Variants in MVB12B observed in about 807,000 individuals in gnomAD.
MVB12B encodes the protein multivesicular body subunit 12B, also known as ESCRT-I complex subunit MVB12B.
In MVB12B, 16 loss-of-function variants were observed where a neutral mutation model predicts 41.6. The ratio of observed to expected loss-of-function variants is 0.38; its 90% confidence interval spans 0.26 to 0.58. MVB12B has a LOEUF of 0.58. Among genes scored for constraint, MVB12B ranks in the 20% least tolerant of loss-of-function variants. The pLI is 0.62. For missense variants in MVB12B, 274 were observed against 380.2 expected (o/e 0.72, Z 2.32); for synonymous variants, 133 against 139.7 (o/e 0.95, Z 0.34).
intron 9 of MVB12B, among the ~76,000 whole-genome samples, chr9:126,493,359 G>C (rs913127614): frequency 6.6e-6 from 1 of 152,124 alleles, no homozygotes; most frequent in Admixed American, 6.5e-5. Flanking sequence ...TATGTAAGTG[G>C]ATCAGTGGAT....
At chr9:126,469,182 A>G (rs1220892248) in intron 7 of MVB12B, among the ~76,000 whole-genome samples, 1 of 152,206 alleles carries the variant, frequency 6.6e-6, no homozygotes, top group Non-Finnish European at 1.5e-5. Context: ...TGTCTAAAAA[A>G]TAAAAAAATA....
intron 7 of MVB12B, among the ~76,000 whole-genome samples, chr9:126,449,156 T>G (rs1211829279): frequency 2.0e-5 from 3 of 152,232 alleles, no homozygotes; most frequent in Non-Finnish European, 2.9e-5. Context: ...AACTCCCATG[T>G]GCCCAGCCCT....
intron 1 of MVB12B, among the ~76,000 whole-genome samples, chr9:126,327,662 C>T (rs1458303528): frequency 1.3e-5 from 2 of 152,120 alleles, no homozygotes; most frequent in South Asian, 4.1e-4. Context: ...CACCAGGGGA[C>T]ATCACATCCT....
In MVB12B at chr9:126,427,956, CTT is replaced by C. The variant is rs11357346; in HGVS notation, c.757+6020_757+6021del. ...CACTCCTCTGCCTTCAGCTTTTTTT[CTT>C]TTTTTTTTTTTGCTTTTCTTTTTGA... is the stretch of plus-strand genomic sequence containing the variant. On this transcript the variant is annotated intron_variant, in intron 7 of 9. Transcript: ENST00000361171. 7.9e-3 allele frequency among the ~76,000 whole-genome samples: 1,115 copies of C among 141,882 alleles called. 3 individuals carry two copies. Among genetic ancestry groups the C allele is most frequent in the Non-Finnish European group, 0.011 (683 of 64,098 alleles). The allele number at this position is 141,882 out of a possible 152,430, so 93.1% of individuals were successfully genotyped here.
chr9:126,375,030 AT>A (rs534528654), intron 2 of MVB12B, among the ~76,000 whole-genome samples: 1 of 151,846 alleles, frequency 6.6e-6, no homozygotes, highest in Admixed American at 6.5e-5. Context: ...ACTTTTTAAG[AT>A]TTTTTTCCCT....
At chr9:126,458,864 G>A (rs1292110414) in intron 7 of MVB12B, among the ~76,000 whole-genome samples, 1 of 152,208 alleles carries the variant, frequency 6.6e-6, no homozygotes, top group Non-Finnish European at 1.5e-5. Context: ...CTTCAAAATA[G>A]GAAGAGCTCA....
intron 9 of MVB12B, among the ~76,000 whole-genome samples, chr9:126,494,521 T>C (rs1347347238): frequency 2.0e-5 from 3 of 152,248 alleles, no homozygotes; most frequent in African/African-American, 7.2e-5. Flanking sequence ...AAGGTGAACA[T>C]CTCGCCTTTT....
chr9:126,399,317 C>T (rs1052988135), intron 6 of MVB12B, among the ~76,000 whole-genome samples: 3 of 152,218 alleles, frequency 2.0e-5, no homozygotes, highest in Admixed American at 6.5e-5. Context: ...TATCTCTGGC[C>T]GCAGGCGCTC....
chr9:126,462,781 G>T (rs1030352957), intron 7 of MVB12B, among the ~76,000 whole-genome samples: 8 of 152,178 alleles, frequency 5.3e-5, no homozygotes, highest in Non-Finnish European at 1.2e-4. Flanking sequence ...CTGTCAGGTG[G>T]CAGGAGATGC....
Position 126,362,510 on chromosome 9 carries a change from T to G in MVB12B, c.205-18554T>G, listed in dbSNP as rs182398478. 1.8e-4 allele frequency among the ~76,000 whole-genome samples: 28 copies of G among 152,324 alleles called. No homozygotes were observed. The East Asian group carries it at 5.4e-3, about 29-fold the overall frequency. On this transcript the variant is annotated intron_variant, in intron 2 of 9. Coordinates refer to ENST00000361171, the MANE Select transcript of MVB12B (RefSeq NM_033446.3). ...AAAAGAAGATGATGTGTAGCTCTTA[T>G]GTACTGCCATGTGTGACTGAAATTG... is the stretch of plus-strand genomic sequence containing the variant.
intron 9 of MVB12B, among the ~76,000 whole-genome samples, chr9:126,491,641 A>C (rs1761413630): frequency 6.6e-6 from 1 of 152,252 alleles, no homozygotes; most frequent in African/African-American, 2.4e-5. Context: ...CAGATATTAA[A>C]AGTTAGATAA....
Position 126,465,917 on chromosome 9 carries a change from C to T in MVB12B, c.758-15452C>T, listed in dbSNP as rs78629472. Reference sequence around the variant, plus strand: ...GTGCCTGGTGGGCCTGGCATTTGAACCTAGGGCTGTCTGACACCAAAGCCC... The same window carrying T: ...GTGCCTGGTGGGCCTGGCATTTGAATCTAGGGCTGTCTGACACCAAAGCCC... On this transcript the variant is annotated intron_variant, in intron 7 of 9. Transcript: ENST00000361171. Among the ~76,000 whole-genome samples, 561 of 152,268 alleles carry T rather than the reference C, an allele frequency of 3.7e-3. 10 individuals carry two copies. In the East Asian group the frequency reaches 0.043, roughly 12 times the overall value.
chr9:126,362,481 T>G (rs968327038), intron 2 of MVB12B, among the ~76,000 whole-genome samples: 1 of 152,156 alleles, frequency 6.6e-6, no homozygotes, highest in Non-Finnish European at 1.5e-5. Context: ...AATTTCAAAA[T>G]TATAAAAGAA....
At chr9:126,329,765 G>A (rs57811158) in intron 1 of MVB12B, among the ~76,000 whole-genome samples, 1,760 of 152,254 alleles carry the variant, frequency 0.012, 26 homozygotes, top group African/African-American at 0.041. Flanking sequence ...TGACTACATG[G>A]CTGGATGTGG....
intron 7 of MVB12B, among the ~76,000 whole-genome samples, chr9:126,449,766 G>C (rs1237933293): frequency 6.6e-6 from 1 of 152,142 alleles, no homozygotes; most frequent in African/African-American, 2.4e-5. Flanking sequence ...GTGACTTTTT[G>C]TGTCTGTTTG....
intron 7 of MVB12B, among the ~76,000 whole-genome samples, chr9:126,461,234 C>A (rs949579369): frequency 6.6e-5 from 10 of 152,244 alleles, no homozygotes; most frequent in Admixed American, 3.3e-4. Context: ...TCAGCACCCC[C>A]ACAACCGCCG....
intron 2 of MVB12B, among the ~76,000 whole-genome samples, chr9:126,348,040 C>T (rs1263600835): frequency 2.6e-5 from 4 of 152,248 alleles, no homozygotes; most frequent in Non-Finnish European, 5.9e-5. Flanking sequence ...TCCCAGCTTC[C>T]TGAGCACAGG....
intron 7 of MVB12B, among the ~76,000 whole-genome samples, chr9:126,452,617 TA>T (rs1295767384): frequency 1.3e-5 from 2 of 152,058 alleles, no homozygotes; most frequent in African/African-American, 4.8e-5. Flanking sequence ...TCTCAGTTAG[TA>T]AGTGAGAAAA....
intron 7 of MVB12B, among the ~76,000 whole-genome samples, chr9:126,422,948 C>A (rs1323949828): frequency 6.6e-6 from 1 of 152,100 alleles, no homozygotes; most frequent in African/African-American, 2.4e-5. Flanking sequence ...TGTTCTTAAG[C>A]CCCCATCCCT....
Sources: allele counts gnomAD v4.1 joint callset (sites outside exome capture counted in the v4.1 genomes callset), GRCh38; gene constraint gnomAD v4.1.1; transcripts MANE v1.5; gene names NCBI Gene and HGNC (gene_info 2026-07-23, HGNC 2026-07-21).